Variants in PDE4B observed in about 807,000 individuals in gnomAD.
PDE4B encodes the protein 3',5'-cyclic-AMP phosphodiesterase 4B.
In PDE4B, 20 loss-of-function variants were observed where a neutral mutation model predicts 82.2. The observed-to-expected ratio is 0.24, with a 90% confidence interval of 0.17 to 0.35. The LOEUF (loss-of-function observed/expected upper bound fraction) is 0.35. Among genes scored for constraint, PDE4B ranks in the 10% least tolerant of loss-of-function variants. The pLI is 1.00. For synonymous variants in PDE4B, 320 were observed against 318.9 expected, an observed-to-expected ratio of 1.00 and a Z score of -0.04; for missense variants, 655 against 907.2, an observed-to-expected ratio of 0.72 and a Z score of 3.57.
chr1:66,167,271 C>G, intron 3 of PDE4B, among the ~76,000 whole-genome samples: 1 of 152,140 alleles, frequency 6.6e-6, no homozygotes, highest in Non-Finnish European at 1.5e-5. Context: ...AAGTATTATT[C>G]ATACATAATA....
At chr1:65,993,295 A>C (rs922121649) in intron 3 of PDE4B, among the ~76,000 whole-genome samples, 1 of 152,216 alleles carries the variant, frequency 6.6e-6, no homozygotes, top group Non-Finnish European at 1.5e-5. Context: ...TGAAGAGTAC[A>C]TAAATGCACT....
intron 1 of PDE4B, among the ~76,000 whole-genome samples, chr1:65,798,099 C>T (rs1416800081): frequency 6.6e-6 from 1 of 152,064 alleles, no homozygotes; most frequent in African/African-American, 2.4e-5. Context: ...CTCACTCCAA[C>T]CTCTGCCTCT....
At chr1:66,371,891 C>T (rs1442164929) in intron 16 of PDE4B, among the ~76,000 whole-genome samples, 1 of 152,176 alleles carries the variant, frequency 6.6e-6, no homozygotes, top group Non-Finnish European at 1.5e-5. Flanking sequence ...CATTCTTTGT[C>T]TTTGGGTCCC....
At chr1:65,893,477 G>A (rs1646874769) in intron 1 of PDE4B, among the ~76,000 whole-genome samples, 2 of 151,872 alleles carry the variant, frequency 1.3e-5, no homozygotes, top group Admixed American at 6.6e-5. Flanking sequence ...TGCAAGAATC[G>A]CCATAATTAA....
intron 7 of PDE4B, among the ~76,000 whole-genome samples, chr1:66,321,970 C>T (rs1369879144): frequency 3.3e-5 from 5 of 152,096 alleles, no homozygotes; most frequent in Admixed American, 6.6e-5. Flanking sequence ...GGTACCAGAA[C>T]GCAGATATAG....
intron 3 of PDE4B, among the ~76,000 whole-genome samples, chr1:66,245,972 G>T (rs888806486): frequency 1.3e-5 from 2 of 152,118 alleles, no homozygotes; most frequent in African/African-American, 4.8e-5. Flanking sequence ...AGCCAAGGTT[G>T]CTTATAGTCT....
intron 3 of PDE4B, among the ~76,000 whole-genome samples, chr1:65,969,345 C>G (rs948621536): frequency 6.6e-6 from 1 of 152,114 alleles, no homozygotes; most frequent in African/African-American, 2.4e-5. Flanking sequence ...AAATCACTGG[C>G]TAGAATTAGT....
chr1:66,188,190 G>C (rs918215428), intron 3 of PDE4B, among the ~76,000 whole-genome samples: 1 of 151,986 alleles, frequency 6.6e-6, no homozygotes, highest in Non-Finnish European at 1.5e-5. Flanking sequence ...TTGCACTGTG[G>C]TCTGAGAGAC....
intron 4 of PDE4B, among the ~76,000 whole-genome samples, chr1:66,252,488 A>G (rs771513976): frequency 1.8e-4 from 27 of 152,358 alleles, no homozygotes; most frequent in Admixed American, 7.8e-4. Context: ...CACTTACATT[A>G]GTGTACAGTT....
chr1:65,847,309 A>T (rs1203258641), intron 1 of PDE4B, among the ~76,000 whole-genome samples: 1 of 152,192 alleles, frequency 6.6e-6, no homozygotes, highest in African/African-American at 2.4e-5. Context: ...AAGCTTTTTG[A>T]CTATGATCAC....
At chr1:66,225,271 A>G (rs993368068) in intron 3 of PDE4B, among the ~76,000 whole-genome samples, 1 of 151,994 alleles carries the variant, frequency 6.6e-6, no homozygotes, top group Admixed American at 6.6e-5. Context: ...TCTCACCTCA[A>G]CTCACTTCAG....
At chr1:66,243,764 A>G (rs747021747) in intron 3 of PDE4B, among the ~76,000 whole-genome samples, 3 of 152,246 alleles carry the variant, frequency 2.0e-5, no homozygotes, top group Non-Finnish European at 4.4e-5. Flanking sequence ...CTGTTAAAAC[A>G]TTAGGTCTCA....
chr1:65,961,594 A>T (rs1649545441), intron 3 of PDE4B, among the ~76,000 whole-genome samples: 2 of 152,094 alleles, frequency 1.3e-5, no homozygotes, highest in African/African-American at 4.8e-5. Flanking sequence ...TTATACAGAG[A>T]CTCTAAATAG....
At chr1:66,198,684 T>C (rs566484600) in intron 3 of PDE4B, among the ~76,000 whole-genome samples, 126 of 152,316 alleles carry the variant, frequency 8.3e-4, no homozygotes, top group African/African-American at 2.9e-3. Flanking sequence ...TATGTATACA[T>C]GTGCCATGTC....
intron 3 of PDE4B, among the ~76,000 whole-genome samples, chr1:66,198,044 T>C (rs948318689): frequency 3.9e-5 from 6 of 152,148 alleles, no homozygotes; most frequent in African/African-American, 9.7e-5. Flanking sequence ...CTGCTACAAG[T>C]AAGTACTCAG....
At chr1:66,112,768 AG>A (rs1176117265) in intron 3 of PDE4B, 2 of 152,142 alleles carry the variant, frequency 1.3e-5, no homozygotes, top group Admixed American at 6.6e-5. Flanking sequence ...ATTGTTTTTC[AG>A]TTTACCAATG....
At chr1:66,184,786 T>C (rs1258037940) in intron 3 of PDE4B, among the ~76,000 whole-genome samples, 1 of 151,386 alleles carries the variant, frequency 6.6e-6, no homozygotes, top group Non-Finnish European at 1.5e-5. Flanking sequence ...AAAATAGTAA[T>C]ACCTCAGAGT....
chr1:65,989,995 C>A (rs115708883), intron 3 of PDE4B, among the ~76,000 whole-genome samples: 1 of 150,244 alleles, frequency 6.7e-6, no homozygotes, highest in East Asian at 1.9e-4. Flanking sequence ...TCAAAGAGTC[C>A]GATTATCTTT....
At chr1:66,175,113 A>G (rs1219651855) in intron 3 of PDE4B, among the ~76,000 whole-genome samples, 1 of 152,240 alleles carries the variant, frequency 6.6e-6, no homozygotes, top group African/African-American at 2.4e-5. Context: ...ATTCTAGATG[A>G]GATTTGTGTG....
Sources: allele counts gnomAD v4.1 joint callset (sites outside exome capture counted in the v4.1 genomes callset), GRCh38; gene constraint gnomAD v4.1.1; transcripts MANE v1.5; gene names NCBI Gene and HGNC (gene_info 2026-07-23, HGNC 2026-07-21).